Variants in GRIN2A observed in about 807,000 individuals in gnomAD.
GRIN2A encodes glutamate receptor ionotropic, NMDA 2A.
GRIN2A carries 22 observed loss-of-function variants against 113.4 expected under a neutral mutation model. That is an observed-to-expected ratio of 0.19 (90% CI 0.14 to 0.28). GRIN2A has a LOEUF of 0.28. GRIN2A is among the 10% of genes least tolerant of loss of function. The pLI is 1.00. For synonymous variants in GRIN2A, 827 were observed against 738.4 expected (o/e 1.12, Z -1.94); for missense variants, 1,502 against 1,887.0 (o/e 0.80, Z 3.78).
chr16:10,124,131 G>C (rs2048882956), intron 2 of GRIN2A, among the ~76,000 whole-genome samples: 1 of 152,214 alleles, frequency 6.6e-6, no homozygotes, highest in Non-Finnish European at 1.5e-5. Flanking sequence ...AAAAAGCGAG[G>C]TATTGCAGTG....
At chr16:9,916,668 C>T (rs369426514) in intron 3 of GRIN2A, among the ~76,000 whole-genome samples, 7 of 152,196 alleles carry the variant, frequency 4.6e-5, no homozygotes, top group African/African-American at 1.7e-4. Context: ...CCACTCCTAG[C>T]TCTTTTTCCA....
chr16:10,012,254 G>C (rs533354219), intron 2 of GRIN2A, among the ~76,000 whole-genome samples: 14 of 152,280 alleles, frequency 9.2e-5, no homozygotes, highest in Admixed American at 6.5e-5. Context: ...GAATTGAACT[G>C]ATTATGTGAC....
At chr16:9,958,671 T>C (rs368665541) in intron 2 of GRIN2A, among the ~76,000 whole-genome samples, 1 of 152,122 alleles carries the variant, frequency 6.6e-6, no homozygotes, top group African/African-American at 2.4e-5. Context: ...GAATGCTTGC[T>C]GTGTATTAGG....
At chr16:9,900,309 C>A (rs2043895837) in intron 3 of GRIN2A, among the ~76,000 whole-genome samples, 1 of 152,154 alleles carries the variant, frequency 6.6e-6, no homozygotes, top group Non-Finnish European at 1.5e-5. Flanking sequence ...TCACAGCACC[C>A]CCTGGACTGG....
chr16:10,108,477 A>G (rs1471374120), intron 2 of GRIN2A, among the ~76,000 whole-genome samples: 1 of 152,202 alleles, frequency 6.6e-6, no homozygotes, highest in African/African-American at 2.4e-5. Context: ...TCAGAGAAGT[A>G]ATTGCCTCAA....
chr16:9,937,890 G>GT, intron 3 of GRIN2A, 69 bp downstream of exon 3: 3 of 1,095,346 alleles, frequency 2.7e-6, no homozygotes, highest in Non-Finnish European at 4.2e-6. Context: ...CAATGAGTAT[G>GT]TAAGCAAGCA....
chr16:9,837,557 T>C (rs1184721222), intron 7 of GRIN2A, among the ~76,000 whole-genome samples: 1 of 152,158 alleles, frequency 6.6e-6, no homozygotes, highest in Non-Finnish European at 1.5e-5. Flanking sequence ...TACAAGACTT[T>C]TTTGTGTGAA....
rs908693765 is a variant in GRIN2A at position 9,760,522 on chromosome 16, A to AT, written c.*2626dup. ...ACTTCGGTCAGTGAAAAGAATATATATTTTTTTCACAACATTACTGTTGAT... is the reference window on the plus strand; with the variant it reads ...ACTTCGGTCAGTGAAAAGAATATATATTTTTTTTCACAACATTACTGTTGAT... On this transcript the variant is annotated 3_prime_UTR_variant, in exon 13 of 13. Coordinates refer to ENST00000330684, the MANE Select transcript of GRIN2A (RefSeq NM_001134407.3). 2 of 220,926 alleles carry AT rather than the reference A, an allele frequency of 9.1e-6. No individual in the cohort carries two copies. Among genetic ancestry groups the AT allele is most frequent in the African/African-American group, 2.2e-5 (1 of 44,578 alleles). The allele number at this position is 220,926 out of a possible 1,614,324, so 13.7% of individuals were successfully genotyped here.
intron 2 of GRIN2A, among the ~76,000 whole-genome samples, chr16:10,158,667 T>C (rs545775536): frequency 6.6e-6 from 1 of 152,146 alleles, no homozygotes; most frequent in Non-Finnish European, 1.5e-5. Context: ...AGATGCCAGA[T>C]GCAAAAGGTC....
rs1316208458 is a variant in GRIN2A, at chr16:9,757,317, T to A, written c.*5832A>T. On this transcript the variant is annotated 3_prime_UTR_variant, in exon 13 of 13. Transcript: ENST00000330684. ...AAATCAACTGCATTTCCGGGACCAC[T>A]AACTCTATTCTCCGGAGTTACTTAA... 4.5e-6 allele frequency: 1 copy of A among 220,104 alleles called. No homozygotes were observed. Among genetic ancestry groups the A allele is most frequent in the Non-Finnish European group, 9.1e-6 (1 of 109,898 alleles). 13.6% of individuals were successfully genotyped at this position (220,104 alleles called of 1,614,324 possible). A position where few individuals can be genotyped will look rare whatever the true frequency, so the allele number is the denominator to read the frequency against.
At chr16:10,158,817 A>T (rs1227290841) in intron 2 of GRIN2A, among the ~76,000 whole-genome samples, 1 of 152,170 alleles carries the variant, frequency 6.6e-6, no homozygotes, top group African/African-American at 2.4e-5. Flanking sequence ...TGGAGTGATG[A>T]TGTTCTGGAC....
intron 4 of GRIN2A, among the ~76,000 whole-genome samples, chr16:9,884,606 C>T (rs16951633): frequency 0.022 from 3,315 of 151,802 alleles, 123 homozygotes; most frequent in African/African-American, 0.076. Flanking sequence ...AAATGGTAAC[C>T]AGAATTATTC....
intron 2 of GRIN2A, among the ~76,000 whole-genome samples, chr16:10,106,477 A>G (rs941766835): frequency 2.0e-5 from 3 of 152,140 alleles, no homozygotes; most frequent in African/African-American, 7.2e-5. Flanking sequence ...CCACTCTAGT[A>G]CAACCAAAGT....
At chr16:10,144,958 A>AGAAAATGG (rs1567331013) in intron 2 of GRIN2A, among the ~76,000 whole-genome samples, 1 of 148,208 alleles carries the variant, frequency 6.7e-6, no homozygotes, top group Non-Finnish European at 1.5e-5. Context: ...GAATGAATAA[A>AGAAAATGG]GAAAATGTGA....
intron 11 of GRIN2A, among the ~76,000 whole-genome samples, chr16:9,791,036 C>A (rs1902576465): frequency 6.6e-6 from 1 of 152,148 alleles, no homozygotes; most frequent in South Asian, 2.1e-4. Flanking sequence ...ATATTTAATC[C>A]TTAAAGAATT....
chr16:10,159,547 GATC>G (rs2049770288), intron 2 of GRIN2A, among the ~76,000 whole-genome samples: 1 of 152,066 alleles, frequency 6.6e-6, no homozygotes, highest in East Asian at 1.9e-4. Flanking sequence ...GCAAAAGGCA[GATC>G]ATCATCAATG....
intron 4 of GRIN2A, among the ~76,000 whole-genome samples, chr16:9,881,905 A>T (rs1432897783): frequency 6.6e-6 from 1 of 152,230 alleles, no homozygotes; most frequent in Non-Finnish European, 1.5e-5. Context: ...TGGTGTCCTC[A>T]CAATTGCAAT....
chr16:9,843,259 C>A (rs1040777924), intron 5 of GRIN2A, among the ~76,000 whole-genome samples: 1 of 152,114 alleles, frequency 6.6e-6, no homozygotes, highest in African/African-American at 2.4e-5. Flanking sequence ...CACAGACACA[C>A]ACACACGCAT....
intron 5 of GRIN2A, among the ~76,000 whole-genome samples, chr16:9,844,730 T>C (rs2042742084): frequency 6.6e-6 from 1 of 152,184 alleles, no homozygotes; most frequent in African/African-American, 2.4e-5. Flanking sequence ...ACAAATCTCA[T>C]CCAGCACTTA....
Sources: gnomAD v4.1 joint callset for allele counts (sites outside exome capture counted in the v4.1 genomes callset) on GRCh38, gnomAD v4.1.1 for gene constraint, MANE v1.5 for transcripts, NCBI Gene and HGNC (gene_info 2026-07-23, HGNC 2026-07-21) for gene names.